Variants in EGLN1 observed in about 807,000 individuals in gnomAD.
The protein encoded by EGLN1 is egl-9 family hypoxia inducible factor 1, also known as egl nine homolog 1.
Under a neutral mutation model 38.3 loss-of-function variants are expected in EGLN1, and 17 were observed. The observed-to-expected ratio is 0.44, with a 90% CI of 0.30 to 0.67. The LOEUF is 0.67. EGLN1 is among the 30% of genes least tolerant of loss of function. EGLN1 has a pLI of 0.08. For missense variants in EGLN1, 477 were observed against 603.3 expected (o/e 0.79, Z 2.19); for synonymous variants, 283 against 257.5 (o/e 1.10, Z -0.95).
Position 231,422,046 on chromosome 1 carries a change from C to T in EGLN1, c.-158G>A, listed in dbSNP as rs2102948709. 1 of 767,276 alleles carries T rather than the reference C, an allele frequency of 1.3e-6. No homozygotes were observed. Among genetic ancestry groups the T allele is most frequent in the Non-Finnish European group, 1.8e-6 (1 of 551,966 alleles). The allele number at this position is 767,276 out of a possible 1,614,324, so 47.5% of individuals were successfully genotyped here. ...CCTCAGGGAGGCCGGCACCCCACGC[C>T]CTCGGCCCGGCCGCTTCCGAGTCCT... On this transcript the variant is annotated 5_prime_UTR_variant, in exon 1 of 5. Transcript: ENST00000366641.
intron 1 of EGLN1, 39 bp from the exon 2 acceptor site, chr1:231,374,138 T>C (rs1220609032): frequency 3.1e-6 from 5 of 1,599,466 alleles, no homozygotes; most frequent in African/African-American, 1.3e-5. Flanking sequence ...AGTCCATGTA[T>C]AAATAAAAAG....
chr1:231,380,530 T>C (rs1369240477), intron 1 of EGLN1, among the ~76,000 whole-genome samples: 1 of 152,216 alleles, frequency 6.6e-6, no homozygotes, highest in Admixed American at 6.5e-5. Flanking sequence ...AAAATGCTAT[T>C]ATAATAATAT....
At chr1:231,398,439 T>C (rs947242101) in intron 1 of EGLN1, among the ~76,000 whole-genome samples, 1 of 152,160 alleles carries the variant, frequency 6.6e-6, no homozygotes, top group Non-Finnish European at 1.5e-5. Context: ...GCTGGGACTA[T>C]AGGTGCATAC....
At chr1:231,420,150 G>C (rs941150950) in intron 1 of EGLN1, 3 of 152,212 alleles carry the variant, frequency 2.0e-5, no homozygotes, top group Non-Finnish European at 4.4e-5. Context: ...AACCGCAATA[G>C]TAAAGAGAAA....
At chr1:231,404,922 A>G (rs904403764) in intron 1 of EGLN1, among the ~76,000 whole-genome samples, 10 of 152,262 alleles carry the variant, frequency 6.6e-5, no homozygotes, top group African/African-American at 2.4e-4. Flanking sequence ...GCCCTTATCA[A>G]CTGAACACTA....
chr1:231,377,296 A>G (rs994672633), intron 1 of EGLN1, among the ~76,000 whole-genome samples: 48 of 152,212 alleles, frequency 3.2e-4, no homozygotes, highest in African/African-American at 1.1e-3. Flanking sequence ...ATGACAGGGA[A>G]TCTGGTTCCA....
At chr1:231,392,014 G>A (rs1414780160) in intron 1 of EGLN1, among the ~76,000 whole-genome samples, 5 of 152,316 alleles carry the variant, frequency 3.3e-5, no homozygotes, top group East Asian at 3.9e-4. Context: ...CAGGCTGGGC[G>A]CGGTGGCTCA....
chr1:231,394,430 G>C (rs1688467036), intron 1 of EGLN1, among the ~76,000 whole-genome samples: 1 of 150,746 alleles, frequency 6.6e-6, no homozygotes, highest in African/African-American at 2.4e-5. Context: ...CCAGGTTGGA[G>C]TGCAGTGGCG....
At chr1:231,367,661 A>G (rs1687688017) in intron 3 of EGLN1, 25 bp from the exon 4 acceptor site, 1 of 1,604,106 alleles carries the variant, frequency 6.2e-7, no homozygotes, top group African/African-American at 1.3e-5. Flanking sequence ...AGAATAGGAT[A>G]AGAATGATCA....
At chr1:231,380,836 A>G (rs1425799145) in intron 1 of EGLN1, among the ~76,000 whole-genome samples, 3 of 152,098 alleles carry the variant, frequency 2.0e-5, no homozygotes, top group Admixed American at 6.6e-5. Context: ...AGCATTTTTC[A>G]TATTTTATTG....
intron 1 of EGLN1, among the ~76,000 whole-genome samples, chr1:231,407,876 TACC>T (rs1688836030): frequency 6.6e-6 from 1 of 151,932 alleles, no homozygotes; most frequent in South Asian, 2.1e-4. Context: ...AAGGCGAGTT[TACC>T]ACAACAGGAT....
intron 1 of EGLN1, among the ~76,000 whole-genome samples, chr1:231,384,739 G>T (rs1206735561): frequency 2.6e-5 from 4 of 152,224 alleles, no homozygotes; most frequent in Non-Finnish European, 1.5e-5. Flanking sequence ...TTGCCATGTA[G>T]AGCAGGGGCT....
intron 1 of EGLN1, among the ~76,000 whole-genome samples, chr1:231,402,768 A>C (rs536027810): frequency 6.6e-6 from 1 of 152,042 alleles, no homozygotes; most frequent in South Asian, 2.1e-4. Flanking sequence ...ATCCATTTTG[A>C]ATTAATTTTT....
chr1:231,383,346 T>C (rs1333545308), intron 1 of EGLN1, among the ~76,000 whole-genome samples: 2 of 152,086 alleles, frequency 1.3e-5, no homozygotes, highest in Non-Finnish European at 1.5e-5. Flanking sequence ...CTGGCTCAGG[T>C]CAGGTCACAA....
chr1:231,378,815 G>T (rs1385773502), intron 1 of EGLN1, among the ~76,000 whole-genome samples: 1 of 152,110 alleles, frequency 6.6e-6, no homozygotes, highest in Non-Finnish European at 1.5e-5. Flanking sequence ...AAACTTTGAT[G>T]GGTTACAGAA....
chr1:231,390,539 A>G (rs1269578310), intron 1 of EGLN1, among the ~76,000 whole-genome samples: 1 of 152,236 alleles, frequency 6.6e-6, no homozygotes, highest in Non-Finnish European at 1.5e-5. Flanking sequence ...AAGTGGTCAG[A>G]TAGACTGTGA....
intron 1 of EGLN1, among the ~76,000 whole-genome samples, chr1:231,399,022 T>C (rs1222334214): frequency 6.6e-6 from 1 of 152,172 alleles, no homozygotes; most frequent in Non-Finnish European, 1.5e-5. Flanking sequence ...AACTCTAAAA[T>C]GCCAATAAGA....
intron 1 of EGLN1, among the ~76,000 whole-genome samples, chr1:231,392,025 C>G (rs1472946378): frequency 1.3e-5 from 2 of 152,184 alleles, no homozygotes; most frequent in Admixed American, 1.3e-4. Context: ...CGGTGGCTCA[C>G]GCCTGTAATC....
At chr1:231,372,817 A>G (rs1377691221) in intron 2 of EGLN1, among the ~76,000 whole-genome samples, 1 of 152,182 alleles carries the variant, frequency 6.6e-6, no homozygotes, top group Admixed American at 6.5e-5. Context: ...TTAGGGCAGG[A>G]TTAGGTTTTT....
Sources: allele counts gnomAD v4.1 joint callset (sites outside exome capture counted in the v4.1 genomes callset), GRCh38; gene constraint gnomAD v4.1.1; transcripts MANE v1.5; gene names NCBI Gene and HGNC (gene_info 2026-07-23, HGNC 2026-07-21).